Variants in DPP6 observed in about 807,000 individuals in gnomAD.
DPP6 encodes A-type potassium channel modulatory protein DPP6.
A neutral mutation model predicts 122.6 loss-of-function variants in DPP6; 69 were observed. The ratio of observed to expected loss-of-function variants is 0.56; its 90% CI spans 0.46 to 0.69. DPP6 has a LOEUF of 0.69. Ranked by LOEUF, DPP6 falls within the 30% of genes least tolerant of loss-of-function variation. The probability of loss-of-function intolerance (pLI) is 0.00; values close to 1 mark genes in which losing one functional copy is unlikely to be tolerated. For missense variants in DPP6, 928 were observed against 1,116.9 expected (o/e 0.83, Z 2.41); for synonymous variants, 418 against 433.1 (o/e 0.97, Z 0.43).
At chr7:154,199,091 C>T (rs1233749142) in intron 1 of DPP6, among the ~76,000 whole-genome samples, 1 of 151,734 alleles carries the variant, frequency 6.6e-6, no homozygotes, top group Non-Finnish European at 1.5e-5. Flanking sequence ...TTCCTCGAGG[C>T]TGCTTGGAGC....
intron 1 of DPP6, among the ~76,000 whole-genome samples, chr7:154,443,620 A>G (rs1819590574): frequency 7.4e-6 from 1 of 134,692 alleles, no homozygotes; most frequent in Non-Finnish European, 1.6e-5. Context: ...ATGGATGGAT[A>G]TGTCGATGAA....
intron 7 of DPP6, among the ~76,000 whole-genome samples, chr7:154,720,550 C>A (rs981616569): frequency 6.6e-6 from 1 of 152,162 alleles, no homozygotes; most frequent in East Asian, 1.9e-4. Flanking sequence ...ATGCCCCGCT[C>A]CAGCATGTCA....
At chr7:154,026,501 C>T (rs1248006303) in intron 1 of DPP6, 1 of 152,178 alleles carries the variant, frequency 6.6e-6, no homozygotes, top group Non-Finnish European at 1.5e-5. Context: ...AAGTTAAGGG[C>T]TTTCTAGAAC....
rs534344470 is a variant in DPP6 at position 154,459,820 on chromosome 7, A to G, written c.358+13492A>G. Among the ~76,000 whole-genome samples, 1,089 of 148,894 alleles carry G rather than the reference A, an allele frequency of 7.3e-3. 18 individuals are homozygous for G. Among genetic ancestry groups the G allele is most frequent in the African/African-American group, 0.025 (1,011 of 40,848 alleles). On this transcript the variant is annotated intron_variant, in intron 2 of 25. Coordinates refer to ENST00000377770, the MANE Select transcript of DPP6 (RefSeq NM_130797.4). ...GATTCCATCTCAAAAAAAAAAAAAA[A>G]AAAAGAAAAGAAAAAGAAAAGAAAA...
intron 1 of DPP6, among the ~76,000 whole-genome samples, chr7:154,395,069 T>C (rs1038927867): frequency 1.3e-5 from 2 of 152,076 alleles, no homozygotes; most frequent in African/African-American, 4.8e-5. Context: ...CATTCTGGAG[T>C]CTGAAAAGTC....
At chr7:153,897,384 T>C (rs1399238664) in intron 1 of DPP6, among the ~76,000 whole-genome samples, 2 of 152,228 alleles carry the variant, frequency 1.3e-5, no homozygotes, top group African/African-American at 4.8e-5. Context: ...CCTCATAGGA[T>C]TTCTAGCCTC....
intron 3 of DPP6, among the ~76,000 whole-genome samples, chr7:154,508,750 A>G (rs532775814): frequency 2.0e-5 from 3 of 152,220 alleles, no homozygotes; most frequent in Non-Finnish European, 4.4e-5. Flanking sequence ...AAAGGCACTA[A>G]TTAGACTTTC....
intron 1 of DPP6, among the ~76,000 whole-genome samples, chr7:154,046,950 G>A (rs907866599): frequency 1.3e-5 from 2 of 151,914 alleles, no homozygotes; most frequent in Admixed American, 6.5e-5. Context: ...TAGCCTGCAG[G>A]AGAGTACCAA....
intron 17 of DPP6, among the ~76,000 whole-genome samples, chr7:154,867,427 T>C (rs1489719983): frequency 6.6e-6 from 1 of 152,218 alleles, no homozygotes; most frequent in Admixed American, 6.5e-5. Flanking sequence ...CCAGTCCCAC[T>C]GCAGTGTGAA....
chr7:154,210,006 A>G (rs1375657443), intron 1 of DPP6, among the ~76,000 whole-genome samples: 1 of 152,162 alleles, frequency 6.6e-6, no homozygotes, highest in Non-Finnish European at 1.5e-5. Context: ...GCCTGGAAAC[A>G]CCTCTATCTT....
At chr7:154,183,273 G>A (rs1200726756) in intron 1 of DPP6, among the ~76,000 whole-genome samples, 1 of 152,090 alleles carries the variant, frequency 6.6e-6, no homozygotes, top group Admixed American at 6.5e-5. Flanking sequence ...CCTATAGCAA[G>A]AAAATCCCAA....
the DPP6 span, among the ~76,000 whole-genome samples, chr7:153,867,378 T>C: frequency 6.6e-6 from 1 of 152,320 alleles, no homozygotes; most frequent in East Asian, 1.9e-4. Flanking sequence ...CCCTTGTAAA[T>C]TGGATTCCTA....
At position 154,425,316 on chromosome 7, in the gene DPP6, G is replaced by C. The variant is rs141135592; in HGVS notation, c.244-20898G>C. Among the ~76,000 whole-genome samples, 821 of 152,306 alleles carry C rather than the reference G, an allele frequency of 5.4e-3. 8 individuals are homozygous for C. The highest frequency in any genetic ancestry group is 0.019 in the African/African-American group (779 of 41,568). On this transcript the variant is annotated intron_variant, in intron 1 of 25. Coordinates refer to ENST00000377770, the MANE Select transcript of DPP6 (RefSeq NM_130797.4). Reference sequence around the variant, plus strand: ...TGCATAGAAATTAGATACTCCTAAAGTGGATTTGAACCAGTAAAATTAGCT... The same window carrying C: ...TGCATAGAAATTAGATACTCCTAAACTGGATTTGAACCAGTAAAATTAGCT...
rs1806725610 is a variant in DPP6, at chr7:154,892,707, C to T, written c.*227C>T. 3 of 941,482 alleles carry T rather than the reference C, an allele frequency of 3.2e-6. No homozygotes were observed. The highest frequency in any genetic ancestry group is 5.0e-6 in the Non-Finnish European group (3 of 594,914). The allele number at this position is 941,482 out of a possible 1,614,324, so 58.3% of individuals were successfully genotyped here. A position where few individuals can be genotyped will look rare whatever the true frequency, so the allele number is the denominator to read the frequency against. On this transcript the variant is annotated 3_prime_UTR_variant, in exon 26 of 26. Coordinates refer to ENST00000377770, the MANE Select transcript of DPP6 (RefSeq NM_130797.4). ...ACCAGGGACAACGCTGTCCCCGCAG[C>T]AGCGCCTCCTCCCGGCGCCCGAGAG... is the stretch of plus-strand genomic sequence containing the variant.
At chr7:154,328,550 G>A (rs528576488) in intron 1 of DPP6, among the ~76,000 whole-genome samples, 32 of 152,168 alleles carry the variant, frequency 2.1e-4, no homozygotes, top group Non-Finnish European at 4.4e-4. Flanking sequence ...GGCTTGCCTG[G>A]TGTTGTCTAA....
rs753590903 is a variant in DPP6, at chr7:154,483,300, G to A, written c.457+8263G>A. 3.3e-5 allele frequency among the ~76,000 whole-genome samples: 5 copies of A among 152,122 alleles called. No individual in the cohort carries two copies. Among genetic ancestry groups the A allele is most frequent in the South Asian group, 2.1e-4 (1 of 4,820 alleles). On this transcript the variant is annotated intron_variant, in intron 3 of 25. Coordinates refer to ENST00000377770, the MANE Select transcript of DPP6 (RefSeq NM_130797.4). The surrounding 1 kb of genome is among the most constrained non-coding windows in gnomAD (Gnocchi z 8.1). ...CTTCCTGGCTCACAGCCCCAGGGAC[G>A]TGTTTGTGTAGACAATAGTGGTGAT...
chr7:154,488,033 G>A (rs942865225), intron 3 of DPP6, among the ~76,000 whole-genome samples: 1 of 151,724 alleles, frequency 6.6e-6, no homozygotes. Context: ...ACAGTATCTG[G>A]GGTGGGATAA....
At chr7:154,258,384 G>A (rs950585923) in intron 1 of DPP6, among the ~76,000 whole-genome samples, 1 of 152,186 alleles carries the variant, frequency 6.6e-6, no homozygotes. Context: ...GACTCAGTGA[G>A]ATTTATGCTC....
intron 16 of DPP6, chr7:154,838,988 C>T (rs1025807334): frequency 6.6e-6 from 1 of 152,162 alleles, no homozygotes; most frequent in Non-Finnish European, 1.5e-5. Flanking sequence ...TTCCACTAAC[C>T]CTCACCAACC....
Sources: allele counts gnomAD v4.1 joint callset (sites outside exome capture counted in the v4.1 genomes callset), GRCh38; gene constraint gnomAD v4.1.1; non-coding constraint Gnocchi (gnomAD v3.1); transcripts MANE v1.5; gene names NCBI Gene and HGNC (gene_info 2026-07-23, HGNC 2026-07-21).